Variants in LONRF1 observed in about 807,000 individuals in gnomAD.
LONRF1 encodes the protein LON peptidase N-terminal domain and ring finger 1.
A neutral mutation model predicts 85.8 loss-of-function variants in LONRF1; 37 were observed. That is an observed-to-expected ratio of 0.43 (90% CI 0.33 to 0.57). LONRF1 has a LOEUF of 0.57. Among genes scored for constraint, LONRF1 ranks in the 20% least tolerant of loss-of-function variants. LONRF1 has a pLI of 0.04. For missense variants in LONRF1, 1,036 were observed against 978.0 expected (o/e 1.06, Z -0.79); for synonymous variants, 517 against 390.1 (o/e 1.33, Z -3.83).
chr8:12,723,736 C>G (rs1806028435), intron 11 of LONRF1, among the ~76,000 whole-genome samples: 1 of 152,204 alleles, frequency 6.6e-6, no homozygotes, highest in Admixed American at 6.5e-5. Flanking sequence ...CAACATGCCC[C>G]TAGTTGACAG....
chr8:12,751,296 G>GTTTTTTTTTGTTTTGT (rs1799380317), intron 1 of LONRF1, among the ~76,000 whole-genome samples: 5 of 69,554 alleles, frequency 7.2e-5, no homozygotes, highest in Non-Finnish European at 1.4e-4. Flanking sequence ...TTATTTTTAT[G>GTTTTTTTTTGTTTTGT]TTTTTTTTTT....
At position 12,725,695 on chromosome 8, in the gene LONRF1, T is replaced by A. The variant is rs372246175; in HGVS notation, c.2163+32A>T. 3 of 1,585,908 alleles carry A rather than the reference T, an allele frequency of 1.9e-6. No homozygotes were observed. In the African/African-American group the frequency reaches 4.1e-5, roughly 22 times the overall value. On this transcript the variant is annotated intron_variant, in intron 11 of 11. Transcript: ENST00000398246. ...GTGCAAATTTGGGTTTATAAAAAAG[T>A]GACTTTTGGAAGAACAGAAAAGCCA...
chr8:12,742,067 C>G (rs920347207), intron 2 of LONRF1, among the ~76,000 whole-genome samples: 2 of 152,180 alleles, frequency 1.3e-5, no homozygotes, highest in African/African-American at 4.8e-5. Context: ...ACTTTAATGG[C>G]TGAAGAAAAC....
At chr8:12,729,416 CA>C (rs1798443576) in intron 8 of LONRF1, 84 bp from the exon 9 acceptor site, 1 of 1,322,088 alleles carries the variant, frequency 7.6e-7, no homozygotes, top group Non-Finnish European at 1.1e-6. Context: ...AGGTTTATAA[CA>C]GTAATGAACT....
Position 12,725,800 on chromosome 8 carries a change from T to C in LONRF1, c.2090A>G (p.Asn697Ser), listed in dbSNP as rs768950354. The change falls in exon 11 of 12, where the codon AAT becomes AGT. Residue 697 changes from asparagine (N) to serine (S), a missense_variant. By Grantham distance (46) the Asn-to-Ser change is conservative (BLOSUM62 1). Around this residue, in one of 3 missense-constraint regions of LONRF1, gnomAD observed 265 missense variants for 301.5 expected, o/e 0.88. Coordinates refer to ENST00000398246, the MANE Select transcript of LONRF1 (RefSeq NM_152271.5). ...VYSQACSWFQ[N>S]LRDRFRSQIL... ...TTGGCTTCGAAATCTGTCTCTTAAA[T>C]TCTGAAACCAGCTGCAGGCTTGAGA... The C allele has an allele frequency of 2.5e-5, 41 of 1,613,940 alleles. No homozygotes were observed. The highest frequency in any genetic ancestry group is 3.3e-5 in the Non-Finnish European group (39 of 1,179,852).
At chr8:12,725,147 C>T (rs1204911707) in intron 11 of LONRF1, among the ~76,000 whole-genome samples, 3 of 152,124 alleles carry the variant, frequency 2.0e-5, no homozygotes, top group Admixed American at 6.5e-5. Context: ...CAGAAAGTGC[C>T]AGATACACAT....
At chr8:12,733,183 A>C (rs1270705283) in intron 7 of LONRF1, among the ~76,000 whole-genome samples, 1 of 152,176 alleles carries the variant, frequency 6.6e-6, no homozygotes, top group Non-Finnish European at 1.5e-5. Flanking sequence ...TAGTATATAC[A>C]CAGATAATAA....
rs994364198 is a variant in LONRF1 at position 12,754,982 on chromosome 8, G to A, written c.439C>T (p.Leu147=). ...CAGCGGGCGCGGAGTTCCCTCCGCA[G>A]GCAGCGGCGGCAGTAGCTGTGGCCA... ...PCGHSYCRRC[L]RRELRARCRL... Residue 147 remains leucine (L), a synonymous_variant, in exon 1 of 12, where the codon CTG becomes TTG. Transcript: ENST00000398246. 4.1e-5 allele frequency: 61 copies of A among 1,491,588 alleles called. No individual in the cohort carries two copies. In the Admixed American group the frequency reaches 1.0e-3, roughly 25 times the overall value. 92.4% of individuals were successfully genotyped at this position (1,491,588 alleles called of 1,614,324 possible).
chr8:12,731,613 A>C, intron 8 of LONRF1, 123 bp downstream of exon 8: 1 of 792,492 alleles, frequency 1.3e-6, no homozygotes. Context: ...AGGACCACGG[A>C]AACAGACCAA....
chr8:12,726,915 A>T (rs1798330244), intron 10 of LONRF1, among the ~76,000 whole-genome samples: 1 of 152,172 alleles, frequency 6.6e-6, no homozygotes. Flanking sequence ...AACAATGTGA[A>T]TGTACTTAAT....
chr8:12,754,122 C>G (rs2128791534), intron 1 of LONRF1: 1 of 152,332 alleles, frequency 6.6e-6, no homozygotes, highest in East Asian at 1.9e-4. Flanking sequence ...CCGGACGTCA[C>G]CCGTTACACA....
chr8:12,740,459 T>C (rs1006342181), intron 3 of LONRF1, among the ~76,000 whole-genome samples: 2 of 152,086 alleles, frequency 1.3e-5, no homozygotes, highest in African/African-American at 4.8e-5. Context: ...ATATGGAGTA[T>C]TGAAAAAACT....
Position 12,755,485 on chromosome 8 carries a change from C to A in LONRF1, c.-65G>T. 1.1e-6 allele frequency: 1 copy of A among 915,758 alleles called. No individual in the cohort carries two copies. The highest frequency in any genetic ancestry group is 1.3e-6 in the Non-Finnish European group (1 of 752,940). 56.7% of individuals were successfully genotyped at this position (915,758 alleles called of 1,614,324 possible). On this transcript the variant is annotated 5_prime_UTR_variant, in exon 1 of 12. Transcript: ENST00000398246. ...GTCCCGGAGCCTCCCGGGCGCGCGG[C>A]TCCGCACGCGGCCCGCGAGCAGGGG...
chr8:12,738,289 C>G, intron 3 of LONRF1, 145 bp from the exon 4 acceptor site: 1 of 554,998 alleles, frequency 1.8e-6, no homozygotes, highest in Non-Finnish European at 3.0e-6. Flanking sequence ...GTAAGCAACA[C>G]TGTAAGTTCA....
intron 2 of LONRF1, 21 bp from the exon 3 acceptor site, chr8:12,741,017 TAA>T (rs1563149582): frequency 6.2e-7 from 1 of 1,609,612 alleles, no homozygotes; most frequent in Admixed American, 1.7e-5. Flanking sequence ...AGCAGATATA[TAA>T]AACCTTTGTG....
At chr8:12,746,398 T>G (rs1404970861) in intron 1 of LONRF1, among the ~76,000 whole-genome samples, 2 of 152,192 alleles carry the variant, frequency 1.3e-5, no homozygotes, top group African/African-American at 4.8e-5. Context: ...ATTTCATGCC[T>G]CATTCCTGTG....
Position 12,736,893 on chromosome 8 carries a change from T to C in LONRF1, c.1354+7A>G, listed in dbSNP as rs1395851215. Reference sequence around the variant, plus strand: ...TATTTTATATAAGTGTAGAGCAAAATTTTTACCTCCTTGTTTTTTCAGCTT... The same window carrying C: ...TATTTTATATAAGTGTAGAGCAAAACTTTTACCTCCTTGTTTTTTCAGCTT... On this transcript the variant is annotated splice_region_variant and intron_variant, in intron 5 of 11. Coordinates refer to ENST00000398246, the MANE Select transcript of LONRF1 (RefSeq NM_152271.5). The C allele has an allele frequency of 1.9e-6, 3 of 1,601,394 alleles. No individual in the cohort carries two copies. The highest frequency in any genetic ancestry group is 2.6e-6 in the Non-Finnish European group (3 of 1,174,356).
intron 1 of LONRF1, among the ~76,000 whole-genome samples, chr8:12,751,296 GTTTTTTTTTTTTTTT>G (rs869038024): frequency 2.9e-5 from 2 of 69,558 alleles, no homozygotes; most frequent in Middle Eastern, 0.01. Flanking sequence ...TTATTTTTAT[GTTTTTTTTTTTTTTT>G]TTTTTTTTTG....
At chr8:12,737,237 A>T (rs765516757) in intron 4 of LONRF1, 97 bp from the exon 5 acceptor site, 1 of 1,355,672 alleles carries the variant, frequency 7.4e-7, no homozygotes, top group South Asian at 1.2e-5. Flanking sequence ...AATGCCTTAT[A>T]ATGCTCATTT....
Sources: allele counts gnomAD v4.1 joint callset (sites outside exome capture counted in the v4.1 genomes callset), GRCh38; gene constraint gnomAD v4.1.1; regional missense constraint gnomAD v4.1.1; transcripts MANE v1.5; gene names NCBI Gene and HGNC (gene_info 2026-07-23, HGNC 2026-07-21).